Variants in SNX29 observed in about 807,000 individuals in gnomAD.
SNX29 encodes the protein sorting nexin 29, also known as sorting nexin-29.
A neutral mutation model predicts 102.1 loss-of-function variants in SNX29; 78 were observed. The observed-to-expected ratio is 0.76, with a 90% CI of 0.64 to 0.92. The LOEUF is 0.92. SNX29 is among the 40% of genes least tolerant of loss of function. SNX29 has a pLI of 0.00. For synonymous variants in SNX29, 580 were observed against 414.5 expected (o/e 1.40, Z -4.85); for missense variants, 1,280 against 1,061.7 (o/e 1.21, Z -2.86).
chr16:12,546,829 A>C (rs957950593), intron 20 of SNX29: 7 of 152,226 alleles, frequency 4.6e-5, no homozygotes, highest in African/African-American at 1.4e-4. Context: ...ATATATGAAA[A>C]TAAAGGGATT....
intron 20 of SNX29, among the ~76,000 whole-genome samples, chr16:12,533,322 T>G (rs541518825): frequency 6.1e-4 from 93 of 152,342 alleles, no homozygotes; most frequent in African/African-American, 2.1e-3. Flanking sequence ...CGTGGGCTGG[T>G]ACCTGTGGCC....
chr16:12,294,042 C>G (rs902315464), intron 15 of SNX29, among the ~76,000 whole-genome samples: 1 of 152,240 alleles, frequency 6.6e-6, no homozygotes, highest in Non-Finnish European at 1.5e-5. Context: ...CTCACAGCCA[C>G]TCTCCGGGGA....
At position 11,984,839 on chromosome 16, in the gene SNX29, G is replaced by C. The variant is rs74707727; in HGVS notation, c.7+8026G>C. On this transcript the variant is annotated intron_variant, in intron 1 of 20. Coordinates refer to ENST00000566228, the MANE Select transcript of SNX29 (RefSeq NM_032167.5). ...CCGTCTAACTTTTTCATTTGGTGTA[G>C]AGACAGGGTCTCAGTATATTGCCCG... 1.9e-4 allele frequency among the ~76,000 whole-genome samples: 29 copies of C among 152,248 alleles called. No homozygotes were observed. The East Asian group carries it at 5.4e-3, about 28-fold the overall frequency.
chr16:12,487,322 C>T (rs2088293770), intron 19 of SNX29, among the ~76,000 whole-genome samples: 1 of 152,180 alleles, frequency 6.6e-6, no homozygotes, highest in African/African-American at 2.4e-5. Context: ...CCGCCGAAAA[C>T]CTCAAAGCCA....
At chr16:12,088,284 C>T (rs1052085853) in intron 11 of SNX29, 12 of 362,870 alleles carry the variant, frequency 3.3e-5, no homozygotes, top group Admixed American at 1.1e-4. Flanking sequence ...AGAGCAGGGG[C>T]GGGTGTTGGG....
chr16:12,455,747 G>A (rs758151263), intron 18 of SNX29, among the ~76,000 whole-genome samples: 2 of 152,210 alleles, frequency 1.3e-5, no homozygotes, highest in Admixed American at 6.5e-5. Flanking sequence ...TGTCAGAAGC[G>A]TCCATCCTTT....
At chr16:12,264,259 G>T (rs1017663241) in intron 14 of SNX29, among the ~76,000 whole-genome samples, 3 of 152,174 alleles carry the variant, frequency 2.0e-5, no homozygotes, top group Non-Finnish European at 4.4e-5. Flanking sequence ...AACTGCCTGT[G>T]GTATGGCATA....
chr16:12,543,796 G>A (rs183754807), intron 20 of SNX29, among the ~76,000 whole-genome samples: 242 of 152,358 alleles, frequency 1.6e-3, no homozygotes, highest in African/African-American at 5.5e-3. Flanking sequence ...GTGCTCTAGA[G>A]ATTTCTCCCA....
intron 5 of SNX29, among the ~76,000 whole-genome samples, chr16:12,044,603 A>C (rs1015952541): frequency 6.6e-6 from 1 of 151,642 alleles, no homozygotes; most frequent in Non-Finnish European, 1.5e-5. Context: ...TTTTGAGAAG[A>C]AGTCTCGCTT....
chr16:12,444,184 A>G (rs1235450238), intron 18 of SNX29, among the ~76,000 whole-genome samples: 1 of 151,632 alleles, frequency 6.6e-6, no homozygotes, highest in East Asian at 1.9e-4. Flanking sequence ...AGCACTCAAT[A>G]TAGCACCTAG....
intron 14 of SNX29, among the ~76,000 whole-genome samples, chr16:12,233,152 T>C (rs529257182): frequency 6.6e-6 from 1 of 152,252 alleles, no homozygotes; most frequent in African/African-American, 2.4e-5. Flanking sequence ...CTCCTCCTCC[T>C]TCCTCCCTCC....
intron 13 of SNX29, chr16:12,135,750 G>C: frequency 1.8e-6 from 1 of 562,288 alleles, no homozygotes; most frequent in Admixed American, 3.1e-5. Flanking sequence ...CATTTGTGGT[G>C]GTTTTTCTCC....
intron 14 of SNX29, among the ~76,000 whole-genome samples, 200 bp downstream of exon 14, chr16:12,199,883 G>A (rs1281857045): frequency 6.6e-6 from 1 of 152,232 alleles, no homozygotes; most frequent in African/African-American, 2.4e-5. Context: ...AGTATTGTAA[G>A]ACTCACTTGC....
chr16:12,562,254 T>G (rs959348648), intron 20 of SNX29, among the ~76,000 whole-genome samples: 2 of 152,146 alleles, frequency 1.3e-5, no homozygotes, highest in African/African-American at 4.8e-5. Flanking sequence ...GGGCATTCAC[T>G]AAGCAGCATC....
intron 10 of SNX29, among the ~76,000 whole-genome samples, chr16:12,077,689 T>C (rs1300806410): frequency 6.6e-6 from 1 of 152,102 alleles, no homozygotes; most frequent in Non-Finnish European, 1.5e-5. Flanking sequence ...GGCGTGATCT[T>C]GGCTCACTGC....
At chr16:11,999,194 G>A (rs1484341443) in intron 1 of SNX29, 103 bp from the exon 2 acceptor site, 1 of 967,628 alleles carries the variant, frequency 1.0e-6, no homozygotes, top group Non-Finnish European at 1.6e-6. Flanking sequence ...ATACCTAGTT[G>A]TGCTACTGAT....
rs376253899 is a variant in SNX29, at chr16:12,568,522, G to A, written c.2335G>A (p.Gly779Arg). ...CTCTTTCAGCGACATCACCCCGCCC[G>A]GAGAGCCTGTGAACAGCCGGCCCAA... ...MPFFVDITPP[G>R]EPVNSRPKAA... The change falls in exon 21 of 21, where the codon GGA (glycine) becomes AGA (arginine). Residue 779 changes from glycine (G) to arginine (R), a missense_variant. Gly to Arg is a moderately radical substitution (Grantham distance 125). Coordinates refer to ENST00000566228, the MANE Select transcript of SNX29 (RefSeq NM_032167.5). 263 of 1,609,882 alleles carry A rather than the reference G, an allele frequency of 1.6e-4. 1 individual carries two copies. In the Admixed American group the frequency reaches 1.7e-3, roughly 11 times the overall value.
At chr16:12,066,605 T>A (rs746712417) in intron 9 of SNX29, among the ~76,000 whole-genome samples, 32 of 152,254 alleles carry the variant, frequency 2.1e-4, no homozygotes, top group Non-Finnish European at 3.8e-4. Context: ...CCTTGCCAGA[T>A]GTGCCGAGGG....
intron 20 of SNX29, among the ~76,000 whole-genome samples, chr16:12,564,003 C>CT (rs2078879764): frequency 6.6e-6 from 1 of 152,282 alleles, no homozygotes; most frequent in East Asian, 1.9e-4. Flanking sequence ...GCAGCACCCT[C>CT]TTCCCCCAGG....
Sources: allele counts gnomAD v4.1 joint callset (sites outside exome capture counted in the v4.1 genomes callset), GRCh38; gene constraint gnomAD v4.1.1; transcripts MANE v1.5; gene names NCBI Gene and HGNC (gene_info 2026-07-23, HGNC 2026-07-21).